AKR1C8: variants seen among roughly 807,000 people sequenced by gnomAD.
The protein encoded by AKR1C8 is aldo-keto reductase family 1 member C8.
At chr10:5,135,562 TATC>T in the AKR1C8 span, among the ~76,000 whole-genome samples, 4 of 149,718 alleles carry the variant, frequency 2.7e-5, no homozygotes, top group Admixed American at 6.7e-5. Flanking sequence ...ATCTATCATC[TATC>T]ATCTATCTAT....
the AKR1C8 span, among the ~76,000 whole-genome samples, chr10:5,145,279 G>A: frequency 3.3e-4 from 50 of 152,092 alleles, 1 homozygote; most frequent in Non-Finnish European, 8.8e-5. Flanking sequence ...TCAGGACATA[G>A]GCATGGGCAA....
At chr10:5,168,988 C>A in the AKR1C8 span, among the ~76,000 whole-genome samples, 183 of 152,154 alleles carry the variant, frequency 1.2e-3, 1 homozygote, top group African/African-American at 4.3e-3. Context: ...TTAGTGAAAC[C>A]CACCTCCCTA....
the AKR1C8 span, among the ~76,000 whole-genome samples, chr10:5,121,410 G>A: frequency 6.6e-6 from 1 of 152,170 alleles, no homozygotes; most frequent in Admixed American, 6.6e-5. Flanking sequence ...CTAGCACTGA[G>A]GGTCTATTAA....
At chr10:5,145,611 T>C in the AKR1C8 span, among the ~76,000 whole-genome samples, 1 of 152,196 alleles carries the variant, frequency 6.6e-6, no homozygotes, top group Non-Finnish European at 1.5e-5. Context: ...TCATCATCAC[T>C]GGCCATCAGA....
the AKR1C8 span, among the ~76,000 whole-genome samples, chr10:5,180,720 C>T: frequency 1.3e-5 from 2 of 152,206 alleles, no homozygotes; most frequent in African/African-American, 4.8e-5. Context: ...CTGGCTGTCG[C>T]CTTGCAGTTT....
chr10:5,178,076 T>C, the AKR1C8 span, among the ~76,000 whole-genome samples: 1 of 152,152 alleles, frequency 6.6e-6, no homozygotes, highest in Non-Finnish European at 1.5e-5. Context: ...GATGTTAGGG[T>C]GTCAATTTTA....
At chr10:5,123,625 A>C in the AKR1C8 span, 5 of 1,260,852 alleles carry the variant, frequency 4.0e-6, no homozygotes, top group South Asian at 7.4e-5. Context: ...ACTCACTGAG[A>C]GTAAACTCCA....
chr10:5,161,909 G>C, the AKR1C8 span: 5 of 534,606 alleles, frequency 9.4e-6, no homozygotes, highest in South Asian at 7.0e-5. Flanking sequence ...TCCGGTCCAA[G>C]TTTCTTCAGT....
chr10:5,180,535 G>T, the AKR1C8 span, among the ~76,000 whole-genome samples: 1 of 152,236 alleles, frequency 6.6e-6, no homozygotes, highest in African/African-American at 2.4e-5. Flanking sequence ...TAAGTCTGCA[G>T]AGGTTACTGC....
the AKR1C8 span, among the ~76,000 whole-genome samples, chr10:5,128,930 T>G: frequency 6.6e-6 from 1 of 151,864 alleles, no homozygotes; most frequent in East Asian, 1.9e-4. Context: ...TAGAAAAAAA[T>G]TACTAAACAG....
chr10:5,165,571 C>T, the AKR1C8 span, among the ~76,000 whole-genome samples: 2 of 152,166 alleles, frequency 1.3e-5, no homozygotes, highest in Non-Finnish European at 2.9e-5. Context: ...CAAATTCTAG[C>T]CTCAGTGATG....
At chr10:5,161,923 C>A in the AKR1C8 span, 3 of 534,408 alleles carry the variant, frequency 5.6e-6, no homozygotes, top group African/African-American at 1.9e-5. Context: ...CTTCAGTGAC[C>A]TTTCTAGGGC....
At chr10:5,125,350 A>G in the AKR1C8 span, among the ~76,000 whole-genome samples, 1 of 152,094 alleles carries the variant, frequency 6.6e-6, no homozygotes, top group Non-Finnish European at 1.5e-5. Flanking sequence ...TACTGGGAGA[A>G]TATCTTCATT....
At chr10:5,119,280 T>C in the AKR1C8 span, among the ~76,000 whole-genome samples, 1 of 152,222 alleles carries the variant, frequency 6.6e-6, no homozygotes, top group Non-Finnish European at 1.5e-5. Context: ...ATTAAGAATC[T>C]TAATAAATTA....
chr10:5,122,841 A>C, the AKR1C8 span, among the ~76,000 whole-genome samples: 1 of 152,142 alleles, frequency 6.6e-6, no homozygotes, highest in East Asian at 1.9e-4. Context: ...GAGACAAGCA[A>C]ACTAATAAAA....
the AKR1C8 span, among the ~76,000 whole-genome samples, chr10:5,128,481 A>C: frequency 6.6e-6 from 1 of 152,134 alleles, no homozygotes; most frequent in Non-Finnish European, 1.5e-5. Flanking sequence ...CACTTAGAAG[A>C]CACAGAATGG....
chr10:5,167,553 AT>A, the AKR1C8 span, among the ~76,000 whole-genome samples: 1 of 152,300 alleles, frequency 6.6e-6, no homozygotes. Flanking sequence ...CAAACACCGC[AT>A]GTTCTCACTC....
chr10:5,151,017 C>T, the AKR1C8 span, among the ~76,000 whole-genome samples: 1 of 152,036 alleles, frequency 6.6e-6, no homozygotes, highest in Admixed American at 6.6e-5. Flanking sequence ...GGGTAGGGGA[C>T]CAGTGAGTCA....
chr10:5,130,045 T>C, the AKR1C8 span, among the ~76,000 whole-genome samples: 1 of 151,630 alleles, frequency 6.6e-6, no homozygotes, highest in African/African-American at 2.4e-5. Context: ...ACCAAATGCA[T>C]CAGCATATCA....
Sources: allele counts gnomAD v4.1 joint callset (sites outside exome capture counted in the v4.1 genomes callset), GRCh38; gene constraint gnomAD v4.1.1; transcripts MANE v1.5; gene names NCBI Gene and HGNC (gene_info 2026-07-23, HGNC 2026-07-21).